SLC5A12: variants seen among roughly 807,000 people sequenced by gnomAD.
SLC5A12 encodes solute carrier family 5 member 12, also known as sodium-coupled monocarboxylate transporter 2.
A neutral mutation model predicts 72.7 loss-of-function variants in SLC5A12; 46 were observed. That is an observed-to-expected ratio of 0.63 (90% CI 0.50 to 0.81). The LOEUF (loss-of-function observed/expected upper bound fraction) is 0.81, where lower values mean the gene tolerates loss of function less well. Ranked by LOEUF, SLC5A12 falls within the 30% of genes least tolerant of loss-of-function variation. SLC5A12 has a pLI of 0.00. For synonymous variants in SLC5A12, 275 were observed against 264.4 expected, an observed-to-expected ratio of 1.04 and a Z score of -0.39; for missense variants, 683 against 740.7, an observed-to-expected ratio of 0.92 and a Z score of 0.90.
In SLC5A12 at chr11:26,681,106, T is replaced by C; in HGVS notation, c.1424A>G (p.Gln475Arg). The C allele has an allele frequency of 6.2e-7, 1 of 1,610,692 alleles. No homozygotes were observed. Among genetic ancestry groups the C allele is most frequent in the Non-Finnish European group, 8.5e-7 (1 of 1,178,288 alleles). Residue 475 changes from glutamine (Q) to arginine (R), a missense_variant, in exon 12 of 15, where the codon CAA (glutamine) becomes CGA (arginine). Gln to Arg is a conservative substitution (Grantham distance 43). Transcript: ENST00000396005. ...KTWPLPLSTDQCIKSNVTATG... is the reference protein window; with the variant it reads ...KTWPLPLSTDRCIKSNVTATG... Reference sequence around the variant, plus strand: ...TGCTGTCACATTTGATTTGATACATTGGTCTGTTGACAGAGGCAAAGGCCA... The same window carrying C: ...TGCTGTCACATTTGATTTGATACATCGGTCTGTTGACAGAGGCAAAGGCCA...
intron 2 of SLC5A12, among the ~76,000 whole-genome samples, 164 bp from the exon 3 acceptor site, chr11:26,711,522 A>T (rs79458976): frequency 0.035 from 5,334 of 152,222 alleles, 310 homozygotes; most frequent in African/African-American, 0.12. Context: ...CACTATCAGT[A>T]GTCTGTAGAG....
intron 8 of SLC5A12, among the ~76,000 whole-genome samples, chr11:26,696,348 T>G (rs1006480436): frequency 1.3e-5 from 2 of 152,196 alleles, no homozygotes; most frequent in African/African-American, 4.8e-5. Context: ...AATGCCCTTA[T>G]TTGGGGAATG....
chr11:26,717,979 C>T (rs1442603521), intron 1 of SLC5A12, among the ~76,000 whole-genome samples: 1 of 152,168 alleles, frequency 6.6e-6, no homozygotes, highest in Non-Finnish European at 1.5e-5. Flanking sequence ...AGGCTCCAAG[C>T]TCACAGAACA....
At position 26,709,306 on chromosome 11, in the gene SLC5A12, A is replaced by G. The variant is rs780245779; in HGVS notation, c.525+6T>C. ...GTTAAATACTTCTTCACAGCTAGAT[A>G]CATACCAGGGTACAGTAGAATGTGC... On this transcript the variant is annotated splice_donor_region_variant and intron_variant, in intron 4 of 14. Coordinates refer to ENST00000396005, the MANE Select transcript of SLC5A12 (RefSeq NM_178498.4). 6.2e-7 allele frequency: 1 copy of G among 1,606,724 alleles called. No individual in the cohort carries two copies.
chr11:26,718,754 G>A (rs1180795383), intron 1 of SLC5A12, among the ~76,000 whole-genome samples: 1 of 151,936 alleles, frequency 6.6e-6, no homozygotes, highest in East Asian at 1.9e-4. Flanking sequence ...CTCCCAAAAT[G>A]CTGGGATTAC....
Position 26,686,487 on chromosome 11 carries a change from C to G in SLC5A12, c.1211G>C (p.Gly404Ala). Reference protein sequence around the residue: ...SMAVAASVMGGVVQASLSIHG... With the variant: ...SMAVAASVMGAVVQASLSIHG... ...TCCTTCTTTCGTTACCTGCACAACA[C>G]CTCCCATGACAGATGCAGCCACAGC... Residue 404 changes from glycine (G) to alanine (A), a missense_variant, in exon 10 of 15, where the codon GGT becomes GCT. Coordinates refer to ENST00000396005, the MANE Select transcript of SLC5A12 (RefSeq NM_178498.4). 6.2e-7 allele frequency: 1 copy of G among 1,613,904 alleles called. No individual in the cohort carries two copies.
At chr11:26,719,648 A>T (rs909454453) in intron 1 of SLC5A12, among the ~76,000 whole-genome samples, 6 of 152,142 alleles carry the variant, frequency 3.9e-5, no homozygotes, top group Admixed American at 6.5e-5. Flanking sequence ...ATCTGTGACT[A>T]CTTCAGCCTG....
intron 6 of SLC5A12, among the ~76,000 whole-genome samples, chr11:26,699,119 T>C (rs913938498): frequency 6.6e-6 from 1 of 152,250 alleles, no homozygotes; most frequent in South Asian, 2.1e-4. Context: ...CCCACAGATA[T>C]GCCTAATTCC....
At chr11:26,672,533 G>C (rs999699573) in intron 14 of SLC5A12, among the ~76,000 whole-genome samples, 2 of 152,078 alleles carry the variant, frequency 1.3e-5, no homozygotes, top group Non-Finnish European at 2.9e-5. Context: ...GCCCCAGATA[G>C]CTTTGTGGTC....
chr11:26,723,128 G>C (rs1214904583), upstream of SLC5A12, among the ~76,000 whole-genome samples: 2 of 151,832 alleles, frequency 1.3e-5, no homozygotes, highest in Middle Eastern at 3.2e-3. Context: ...TTTTAGAAAG[G>C]AGAAAACTAA....
chr11:26,706,914 G>A (rs975268725), intron 4 of SLC5A12, among the ~76,000 whole-genome samples: 1 of 151,146 alleles, frequency 6.6e-6, no homozygotes, highest in Admixed American at 6.6e-5. Context: ...ACCAAAAATA[G>A]TTTAACTAGA....
At position 26,698,685 on chromosome 11, in the gene SLC5A12, T is replaced by C. The variant is rs1487919580; in HGVS notation, c.822-150A>G. 6.5e-6 allele frequency: 4 copies of C among 616,980 alleles called. No homozygotes were observed. The African/African-American group carries it at 7.5e-5, about 12-fold the overall frequency. The allele number at this position is 616,980 out of a possible 1,614,324, so 38.2% of individuals were successfully genotyped here. On this transcript the variant is annotated intron_variant, in intron 6 of 14. Transcript: ENST00000396005. ...CTTTAAGAATCACTACACTTTATAC[T>C]TTTGCTATTTTTTTTTTGCTTGAGA... is the stretch of plus-strand genomic sequence containing the variant.
chr11:26,705,916 T>G (rs1236119769), intron 4 of SLC5A12, among the ~76,000 whole-genome samples: 1 of 141,854 alleles, frequency 7.0e-6, no homozygotes, highest in Admixed American at 7.5e-5. Context: ...TCACCTCTTT[T>G]CTCTGTCATA....
At chr11:26,694,237 T>C (rs973275824) in intron 8 of SLC5A12, among the ~76,000 whole-genome samples, 52 of 152,276 alleles carry the variant, frequency 3.4e-4, no homozygotes, top group African/African-American at 1.3e-3. Context: ...TGTCTTTTCC[T>C]TTCTCTATCC....
intron 4 of SLC5A12, among the ~76,000 whole-genome samples, chr11:26,704,876 T>A (rs934826931): frequency 6.6e-6 from 1 of 151,914 alleles, no homozygotes; most frequent in African/African-American, 2.4e-5. Flanking sequence ...TGGTAGAATA[T>A]CAAACAAAGA....
In SLC5A12 at chr11:26,670,485, T is replaced by C. The variant is rs1049164806; in HGVS notation, c.*617A>G. The C allele has an allele frequency of 6.7e-6, 1 of 149,292 alleles. No homozygotes were observed. The highest frequency in any genetic ancestry group is 1.5e-5 in the Non-Finnish European group (1 of 67,306). 9.2% of individuals were successfully genotyped at this position (149,292 alleles called of 1,614,324 possible). A position where few individuals can be genotyped will look rare whatever the true frequency, so the allele number is the denominator to read the frequency against. ...CTTCTTCTGTATTTAGCTGAATTTT[T>C]TTTTTAATGTTTGGTCAGGACAGCT... On this transcript the variant is annotated 3_prime_UTR_variant, in exon 15 of 15. Transcript: ENST00000396005.
intron 4 of SLC5A12, among the ~76,000 whole-genome samples, chr11:26,704,490 G>T (rs1429017860): frequency 6.6e-6 from 1 of 152,168 alleles, no homozygotes; most frequent in Non-Finnish European, 1.5e-5. Flanking sequence ...CACAGACTTT[G>T]ATAAGGACAC....
At chr11:26,672,941 C>G (rs141272756) in intron 14 of SLC5A12, among the ~76,000 whole-genome samples, 1 of 152,174 alleles carries the variant, frequency 6.6e-6, no homozygotes, top group East Asian at 1.9e-4. Flanking sequence ...TATAATACCC[C>G]CCTTACTCAT....
At position 26,721,995 on chromosome 11, in the gene SLC5A12, T is replaced by G. The variant is rs1204667612; in HGVS notation, c.-281A>C. 1 of 414,268 alleles carries G rather than the reference T, an allele frequency of 2.4e-6. No homozygotes were observed. The highest frequency in any genetic ancestry group is 2.0e-5 in the African/African-American group (1 of 49,776). The allele number at this position is 414,268 out of a possible 1,614,324, so 25.7% of individuals were successfully genotyped here. ...AGCTAAGAGCTGTCTGCTCCTCTCCTAAAGCATATGCCACAGAGAAGGAAT... is the reference window on the plus strand; with the variant it reads ...AGCTAAGAGCTGTCTGCTCCTCTCCGAAAGCATATGCCACAGAGAAGGAAT... On this transcript the variant is annotated 5_prime_UTR_variant, in exon 1 of 15. It removes the in-frame stop codon of an upstream open reading frame in the 5' UTR. Coordinates refer to ENST00000396005, the MANE Select transcript of SLC5A12 (RefSeq NM_178498.4).
Sources: gnomAD v4.1 joint callset for allele counts (sites outside exome capture counted in the v4.1 genomes callset) on GRCh38, gnomAD v4.1.1 for gene constraint, MANE v1.5 for transcripts, NCBI Gene and HGNC (gene_info 2026-07-23, HGNC 2026-07-21) for gene names.